The following TRABD2B variants were observed in gnomAD, a reference collection of about 807,000 sequenced individuals.
TRABD2B encodes metalloprotease TIKI2.
A neutral mutation model predicts 40.1 loss-of-function variants in TRABD2B; 14 were observed. That is an observed-to-expected ratio of 0.35 (90% confidence interval 0.23 to 0.55). TRABD2B has a LOEUF of 0.55. TRABD2B is among the 20% of genes least tolerant of loss of function. The pLI is 0.90. For missense variants in TRABD2B, 541 were observed against 648.6 expected (o/e 0.83, Z 1.80); for synonymous variants, 263 against 277.0 (o/e 0.95, Z 0.50).
At chr1:47,767,001 G>A (rs1176994230) in intron 6 of TRABD2B, among the ~76,000 whole-genome samples, 2 of 152,158 alleles carry the variant, frequency 1.3e-5, no homozygotes, top group Non-Finnish European at 2.9e-5. Flanking sequence ...GGCGGGGGCA[G>A]GGGGTACTCA....
At chr1:47,831,394 C>A (rs538567575) in intron 2 of TRABD2B, among the ~76,000 whole-genome samples, 1 of 152,096 alleles carries the variant, frequency 6.6e-6, no homozygotes. Context: ...CTCAGAGGAG[C>A]CTGGGGCTCC....
chr1:47,812,534 A>G (rs1190420555), intron 2 of TRABD2B, among the ~76,000 whole-genome samples: 2 of 139,550 alleles, frequency 1.4e-5, no homozygotes, highest in Non-Finnish European at 3.1e-5. Context: ...AGGCCTGGGA[A>G]ACACAGGGAG....
Position 47,996,573 on chromosome 1 carries a change from G to C in TRABD2B, c.102+115C>G, listed in dbSNP as rs958943295. 2.6e-5 allele frequency: 29 copies of C among 1,124,422 alleles called. No homozygotes were observed. The highest frequency in any genetic ancestry group is 4.7e-5 in the Admixed American group (1 of 21,450). The allele number at this position is 1,124,422 out of a possible 1,614,324, so 69.7% of individuals were successfully genotyped here. The stretch of plus-strand genomic sequence containing the variant: ...AGGGCGCCCGAGGCTGCGCCCGGGG[G>C]GTGGAGGTGGAGCGGGCGGGCTAAG... On this transcript the variant is annotated intron_variant, in intron 1 of 6. Coordinates refer to ENST00000606738, the MANE Select transcript of TRABD2B (RefSeq NM_001194986.2). This position sits in a 1 kb window ranked among gnomAD's most constrained non-coding sequence, Gnocchi z 4.6.
At chr1:47,918,536 C>T (rs144530737) in intron 2 of TRABD2B, among the ~76,000 whole-genome samples, 118 of 152,296 alleles carry the variant, frequency 7.7e-4, no homozygotes, top group African/African-American at 2.7e-3. Flanking sequence ...CTTCACTGCT[C>T]TCCTGCCCAT....
chr1:47,946,762 A>G (rs955422557), intron 2 of TRABD2B, among the ~76,000 whole-genome samples: 9 of 152,126 alleles, frequency 5.9e-5, no homozygotes, highest in African/African-American at 2.2e-4. Flanking sequence ...CTGGGAAGTG[A>G]GTTAGGAAGT....
chr1:47,846,199 T>A (rs1267364975), intron 2 of TRABD2B, among the ~76,000 whole-genome samples: 3 of 152,184 alleles, frequency 2.0e-5, no homozygotes, highest in Non-Finnish European at 2.9e-5. Flanking sequence ...TGCTTCCCCC[T>A]CCAGTTAATT....
At chr1:47,911,380 T>C (rs912544617) in intron 2 of TRABD2B, among the ~76,000 whole-genome samples, 2 of 152,114 alleles carry the variant, frequency 1.3e-5, no homozygotes, top group Non-Finnish European at 2.9e-5. Flanking sequence ...GTTACAACCT[T>C]TTCCCCAGGC....
At position 47,996,670 on chromosome 1, in the gene TRABD2B, G is replaced by C. The variant is rs1646096840; in HGVS notation, c.102+18C>G. On this transcript the variant is annotated intron_variant, in intron 1 of 6. Coordinates refer to ENST00000606738, the MANE Select transcript of TRABD2B (RefSeq NM_001194986.2). The surrounding 1 kb of genome is among the most constrained non-coding windows in gnomAD (Gnocchi z 4.6). ...TACCCAGGCAGGCGGGAGAGTGGCC[G>C]GGCAGGCGCTCGCTCACCGATCCGG... 8.1e-7 allele frequency: 1 copy of C among 1,228,806 alleles called. No individual in the cohort carries two copies. Among genetic ancestry groups the C allele is most frequent in the Non-Finnish European group, 1.0e-6 (1 of 984,934 alleles). The allele number at this position is 1,228,806 out of a possible 1,614,324, so 76.1% of individuals were successfully genotyped here.
At chr1:47,928,723 T>A (rs1054615175) in intron 2 of TRABD2B, among the ~76,000 whole-genome samples, 3 of 152,252 alleles carry the variant, frequency 2.0e-5, no homozygotes, top group African/African-American at 7.2e-5. Flanking sequence ...CTAAGTGTAC[T>A]AGTACATAGC....
Position 47,790,624 on chromosome 1 carries a change from C to T in TRABD2B, c.988+3962G>A, listed in dbSNP as rs534619425. ...TTGTATGCATACAGCAAGGGCACCA[C>T]GTGCAAGGGAAATGGCCACACCTGG... On this transcript the variant is annotated intron_variant, in intron 4 of 6. Coordinates refer to ENST00000606738, the MANE Select transcript of TRABD2B (RefSeq NM_001194986.2). 4.6e-5 allele frequency among the ~76,000 whole-genome samples: 7 copies of T among 152,356 alleles called. No homozygotes were observed. In the South Asian group the frequency reaches 8.3e-4, roughly 18 times the overall value.
chr1:47,836,704 G>A (rs1274582761), intron 2 of TRABD2B, among the ~76,000 whole-genome samples: 5 of 152,268 alleles, frequency 3.3e-5, no homozygotes, highest in Non-Finnish European at 7.4e-5. Flanking sequence ...TTCTAGGTGG[G>A]GCCTTTGGGA....
chr1:47,837,765 C>T (rs972086393), intron 2 of TRABD2B, among the ~76,000 whole-genome samples: 6 of 152,078 alleles, frequency 3.9e-5, no homozygotes, highest in Admixed American at 2.0e-4. Flanking sequence ...CAAATAAGCA[C>T]GAAAAAAGGA....
intron 2 of TRABD2B, among the ~76,000 whole-genome samples, chr1:47,964,279 G>A (rs1446403994): frequency 6.6e-6 from 1 of 152,182 alleles, no homozygotes; most frequent in East Asian, 1.9e-4. Context: ...GAGGTTCCCT[G>A]AAACTTCCCA....
intron 2 of TRABD2B, among the ~76,000 whole-genome samples, chr1:47,840,103 T>C (rs1240628272): frequency 6.6e-6 from 1 of 152,054 alleles, no homozygotes; most frequent in Admixed American, 6.5e-5. Context: ...GAGTGAACAA[T>C]CGGAGGATCT....
intron 2 of TRABD2B, among the ~76,000 whole-genome samples, chr1:47,845,666 T>C (rs1377506732): frequency 6.6e-6 from 1 of 152,160 alleles, no homozygotes; most frequent in African/African-American, 2.4e-5. Context: ...AGCAAATTCA[T>C]TATAGAGTGG....
chr1:47,832,526 G>A (rs376558930), intron 2 of TRABD2B, among the ~76,000 whole-genome samples: 12 of 152,238 alleles, frequency 7.9e-5, no homozygotes, highest in African/African-American at 2.9e-4. Flanking sequence ...ATAACTAATA[G>A]GTACCAAAGC....
At chr1:47,835,325 G>A (rs1295986184) in intron 2 of TRABD2B, among the ~76,000 whole-genome samples, 3 of 152,094 alleles carry the variant, frequency 2.0e-5, no homozygotes, top group Admixed American at 1.3e-4. Context: ...CATACTGGGA[G>A]TTCAAGAAGG....
chr1:47,852,757 G>C (rs369470102), intron 2 of TRABD2B, among the ~76,000 whole-genome samples: 315 of 152,018 alleles, frequency 2.1e-3, no homozygotes, highest in African/African-American at 6.9e-3. Context: ...GGTGGTGGTG[G>C]TGCTGCTGAG....
chr1:47,861,852 T>C (rs746610124), intron 2 of TRABD2B, among the ~76,000 whole-genome samples: 3 of 152,118 alleles, frequency 2.0e-5, no homozygotes, highest in Non-Finnish European at 2.9e-5. Context: ...AATATAGGTA[T>C]AAAAATCCTC....
Sources: allele counts gnomAD v4.1 joint callset (sites outside exome capture counted in the v4.1 genomes callset), GRCh38; gene constraint gnomAD v4.1.1; non-coding constraint Gnocchi (gnomAD v3.1); transcripts MANE v1.5; gene names NCBI Gene and HGNC (gene_info 2026-07-23, HGNC 2026-07-21).